GRAMD4: variants seen among roughly 807,000 people sequenced by gnomAD.
GRAMD4 encodes GRAM domain containing 4.
GRAMD4 carries 25 observed loss-of-function variants against 83.9 expected under a neutral mutation model. The ratio of observed to expected loss-of-function variants is 0.30; its 90% CI spans 0.22 to 0.42. GRAMD4 has a LOEUF of 0.42. Among genes scored for constraint, GRAMD4 ranks in the 10% least tolerant of loss-of-function variants. The pLI is 1.00. For synonymous variants in GRAMD4, 336 were observed against 320.9 expected (o/e 1.05, Z -0.50); for missense variants, 593 against 788.7 (o/e 0.75, Z 2.97).
intron 3 of GRAMD4, among the ~76,000 whole-genome samples, chr22:46,648,518 T>C (rs1240494677): frequency 6.7e-6 from 1 of 149,722 alleles, no homozygotes; most frequent in East Asian, 2.0e-4. Context: ...GGTGAGTAGA[T>C]AGACAGATGG....
intron 1 of GRAMD4, among the ~76,000 whole-genome samples, chr22:46,578,239 T>C (rs983499524): frequency 1.5e-4 from 23 of 152,116 alleles, no homozygotes; most frequent in African/African-American, 5.6e-4. Flanking sequence ...CTCTCCTACA[T>C]GCCAAAAAGG....
rs763263700 is a variant in GRAMD4 at position 46,637,889 on chromosome 22, G to A, written c.212G>A (p.Arg71Gln). The change falls in exon 3 of 19, where the codon CGG (arginine) becomes CAG (glutamine). Residue 71 changes from arginine to glutamine, a missense_variant. Arg to Gln is a conservative substitution (Grantham distance 43). Transcript: ENST00000406902. ...IMATGVQDFN[R>Q]TEFDRLNEIK... ...GCCACAGGAGTCCAGGACTTTAACC[G>A]GACAGAGTTTGATCGACTGAATGAG... The A allele has an allele frequency of 3.1e-6, 5 of 1,613,906 alleles. No individual in the cohort carries two copies. The highest frequency in any genetic ancestry group is 4.2e-6 in the Non-Finnish European group (5 of 1,179,758).
At position 46,677,713 on chromosome 22, in the gene GRAMD4, TGTC is replaced by T; in HGVS notation, c.*466_*468del. 1 of 986,380 alleles carries T rather than the reference TGTC, an allele frequency of 1.0e-6. No homozygotes were observed. The allele number at this position is 986,380 out of a possible 1,614,324, so 61.1% of individuals were successfully genotyped here. On this transcript the variant is annotated 3_prime_UTR_variant, in exon 19 of 19. Coordinates refer to ENST00000406902, the MANE Select transcript of GRAMD4 (RefSeq NM_015124.5). ...GCCCTTCCTCCTGGGGACAGAAAGA[TGTC>T]GTCAAGGAGGGACATGGGGGCCTTT...
rs2081561773 is a variant in GRAMD4 at position 46,620,741 on chromosome 22, C to G, written c.-50+176C>G. 6.6e-6 allele frequency among the ~76,000 whole-genome samples: 1 copy of G among 151,948 alleles called. No individual in the cohort carries two copies. The highest frequency in any genetic ancestry group is 6.5e-5 in the Admixed American group (1 of 15,280). ...CTCCCAAGGCCGGGTGCAGGCCAGACCCCACCGGTAAAGCACCTGCGCAGC... is the reference window on the plus strand; with the variant it reads ...CTCCCAAGGCCGGGTGCAGGCCAGAGCCCACCGGTAAAGCACCTGCGCAGC... On this transcript the variant is annotated intron_variant, in intron 1 of 18. Coordinates refer to ENST00000406902, the MANE Select transcript of GRAMD4 (RefSeq NM_015124.5). This position sits in a 1 kb window ranked among gnomAD's most constrained non-coding sequence, Gnocchi z 4.7.
At chr22:46,612,161 G>A (rs543615826) in intron 1 of GRAMD4, among the ~76,000 whole-genome samples, 39 of 152,026 alleles carry the variant, frequency 2.6e-4, no homozygotes, top group South Asian at 6.3e-4. Flanking sequence ...ACACCATCCC[G>A]CCTGGCTAAC....
intron 1 of GRAMD4, among the ~76,000 whole-genome samples, chr22:46,610,167 C>T (rs1034106957): frequency 6.6e-6 from 1 of 152,228 alleles, no homozygotes; most frequent in African/African-American, 2.4e-5. Context: ...TCACCCTTCC[C>T]TTAAGAGGAC....
intron 16 of GRAMD4, 118 bp downstream of exon 16, chr22:46,674,868 C>T: frequency 4.1e-6 from 3 of 734,802 alleles, no homozygotes; most frequent in South Asian, 1.5e-5. Flanking sequence ...GCCATGGCCT[C>T]TCCCATGCTC....
intron 1 of GRAMD4, among the ~76,000 whole-genome samples, chr22:46,614,507 G>C (rs1043265918): frequency 4.6e-5 from 7 of 152,200 alleles, no homozygotes; most frequent in Non-Finnish European, 8.8e-5. Context: ...GCGTTCCCCT[G>C]CATGTCTCCC....
At chr22:46,576,900 C>T (rs2081046764), upstream of GRAMD4, among the ~76,000 whole-genome samples, 1 of 146,176 alleles carries the variant, frequency 6.8e-6, no homozygotes, top group Non-Finnish European at 1.5e-5. Context: ...GCGCACGTGG[C>T]CACCCAAACA....
At chr22:46,580,472 GGGTCTGAGAGGA>G (rs1231679651) in intron 1 of GRAMD4, among the ~76,000 whole-genome samples, 1 of 152,252 alleles carries the variant, frequency 6.6e-6, no homozygotes, top group Non-Finnish European at 1.5e-5. Flanking sequence ...TGTGGCTGGG[GGGTCTGAGAGGA>G]GGCCTGGATC....
In GRAMD4 at chr22:46,675,539, C is replaced by T. The variant is rs1399066341; in HGVS notation, c.1550C>T (p.Thr517Met). 4 of 1,609,606 alleles carry T rather than the reference C, an allele frequency of 2.5e-6. No homozygotes were observed. The highest frequency in any genetic ancestry group is 3.4e-6 in the Non-Finnish European group (4 of 1,176,086). Reference protein sequence around the residue: ...RNKVIKLVDITDIQKYKVLSV... With the variant: ...RNKVIKLVDIMDIQKYKVLSV... Reference sequence around the variant, plus strand: ...AAAGTCATCAAGCTAGTGGACATCACGGACATCCAGAAGGTTGGTGCACCT... The same window carrying T: ...AAAGTCATCAAGCTAGTGGACATCATGGACATCCAGAAGGTTGGTGCACCT... Residue 517 changes from threonine to methionine, a missense_variant, in exon 17 of 19, where the codon ACG (threonine) becomes ATG (methionine). By Grantham distance (81) the Thr-to-Met change is moderately conservative. Around this residue, in one of 4 missense-constraint regions of GRAMD4, gnomAD observed 74 missense variants for 152.7 expected, o/e 0.48. Transcript: ENST00000406902.
chr22:46,674,930 G>A (rs1450547479), intron 16 of GRAMD4, among the ~76,000 whole-genome samples, 180 bp downstream of exon 16: 6 of 152,248 alleles, frequency 3.9e-5, no homozygotes, highest in African/African-American at 1.4e-4. Flanking sequence ...TCTCCAAGCC[G>A]GACGTGGCCT....
At chr22:46,611,563 A>G (rs1479463600) in intron 1 of GRAMD4, among the ~76,000 whole-genome samples, 1 of 152,068 alleles carries the variant, frequency 6.6e-6, no homozygotes, top group African/African-American at 2.4e-5. Flanking sequence ...GGAGATGAAC[A>G]CTGGTGGGAG....
intron 1 of GRAMD4, among the ~76,000 whole-genome samples, chr22:46,589,559 C>T (rs2081186229): frequency 6.6e-6 from 1 of 152,208 alleles, no homozygotes; most frequent in South Asian, 2.1e-4. Flanking sequence ...TGGCTGCCAC[C>T]TCTGCAGTGA....
chr22:46,681,260 G>A (rs1391963391), downstream of GRAMD4, among the ~76,000 whole-genome samples: 2 of 151,910 alleles, frequency 1.3e-5, no homozygotes, highest in East Asian at 2.0e-4. Context: ...GGGCTTCTGA[G>A]TGCTCAAAAA....
intron 1 of GRAMD4, among the ~76,000 whole-genome samples, chr22:46,583,002 A>C (rs2081113002): frequency 6.6e-6 from 1 of 152,100 alleles, no homozygotes; most frequent in Non-Finnish European, 1.5e-5. Flanking sequence ...TCAGCTCACC[A>C]CAACCTCCGC....
At chr22:46,608,900 C>T (rs1161807010) in intron 1 of GRAMD4, among the ~76,000 whole-genome samples, 1 of 151,870 alleles carries the variant, frequency 6.6e-6, no homozygotes, top group Non-Finnish European at 1.5e-5. Context: ...GTACCAGCCT[C>T]CCCAGAGGCT....
chr22:46,626,920 C>T lies in GRAMD4; in HGVS notation c.121C>T (p.Pro41Ser). Residue 41 changes from proline (P) to serine (S), a missense_variant, in exon 2 of 19, where the codon CCG becomes TCG. Physicochemically the swap from Pro to Ser is moderately conservative, Grantham distance 74. Around this residue, in one of 4 missense-constraint regions of GRAMD4, gnomAD observed 312 missense variants for 350.7 expected, o/e 0.89. Coordinates refer to ENST00000406902, the MANE Select transcript of GRAMD4 (RefSeq NM_015124.5). The stretch of plus-strand genomic sequence containing the variant: ...CAGCGACGAAATCCCCCTGAAGGTA[C>T]CGCGGACCTCGCCCCGGGACAGCGA... Reference protein sequence around the residue: ...ECSDEIPLKVPRTSPRDSEEL... With the variant: ...ECSDEIPLKVSRTSPRDSEEL... 2 of 1,614,130 alleles carry T rather than the reference C, an allele frequency of 1.2e-6. No individual in the cohort carries two copies.
At chr22:46,577,463 C>A (rs556811115) in intron 1 of GRAMD4, among the ~76,000 whole-genome samples, 2 of 149,286 alleles carry the variant, frequency 1.3e-5, no homozygotes, top group African/African-American at 4.9e-5. Context: ...CGCGGGCGCG[C>A]CCCGCACACG....
Sources: gnomAD v4.1 joint callset for allele counts (sites outside exome capture counted in the v4.1 genomes callset) on GRCh38, gnomAD v4.1.1 for gene constraint, gnomAD v4.1.1 regional missense constraint, Gnocchi (gnomAD v3.1) non-coding constraint, MANE v1.5 for transcripts, NCBI Gene and HGNC (gene_info 2026-07-23, HGNC 2026-07-21) for gene names.